SYN3: variants seen among roughly 807,000 people sequenced by gnomAD.
SYN3 encodes the protein synapsin III, also known as synapsin-3.
SYN3 carries 35 observed loss-of-function variants against 65.8 expected under a neutral mutation model. The ratio of observed to expected loss-of-function variants is 0.53; its 90% CI spans 0.41 to 0.70. SYN3 has a LOEUF of 0.70. SYN3 is among the 30% of genes least tolerant of loss of function. The pLI, the probability that SYN3 is intolerant of heterozygous loss-of-function variation, is 0.00. For missense variants in SYN3, 680 were observed against 749.0 expected (o/e 0.91, Z 1.08); for synonymous variants, 270 against 292.9 (o/e 0.92, Z 0.80).
chr22:32,546,726 A>C lies in SYN3; in HGVS notation c.775-5013T>G, dbSNP rs1295385607. 2.0e-5 allele frequency among the ~76,000 whole-genome samples: 3 copies of C among 152,008 alleles called. No homozygotes were observed. In the East Asian group the frequency reaches 5.8e-4, roughly 29 times the overall value. ...TCCAAGGGTTCACAAAGACAAGCTG[A>C]AAACAGGAAGCCCTCAATGAGCTGT... On this transcript the variant is annotated intron_variant, in intron 7 of 13. Transcript: ENST00000358763.
rs191755300 is a variant in SYN3, at chr22:32,722,738, C to T, written c.712-126002G>A. On this transcript the variant is annotated intron_variant, in intron 6 of 13. Coordinates refer to ENST00000358763, the MANE Select transcript of SYN3 (RefSeq NM_003490.4). Reference sequence around the variant, plus strand: ...CTCAAGGCTGCTAAGAAGTCACTGCCAGTCCCCCAAACCCTATCTCTAGGC... The same window carrying T: ...CTCAAGGCTGCTAAGAAGTCACTGCTAGTCCCCCAAACCCTATCTCTAGGC... 5.9e-5 allele frequency among the ~76,000 whole-genome samples: 9 copies of T among 152,294 alleles called. No homozygotes were observed. The East Asian group carries it at 1.2e-3, about 20-fold the overall frequency.
intron 6 of SYN3, among the ~76,000 whole-genome samples, chr22:32,790,081 G>A (rs1164473524): frequency 6.6e-6 from 1 of 152,200 alleles, no homozygotes; most frequent in Non-Finnish European, 1.5e-5. Flanking sequence ...GTTACTTGTC[G>A]AAGGTCACAC....
At chr22:33,038,434 G>A (rs971249287) in intron 1 of SYN3, among the ~76,000 whole-genome samples, 23 of 152,158 alleles carry the variant, frequency 1.5e-4, no homozygotes, top group Admixed American at 1.3e-4. Context: ...AAGAAAAGCC[G>A]ACTTGCCTTC....
intron 7 of SYN3, among the ~76,000 whole-genome samples, chr22:32,582,898 C>T (rs1317718410): frequency 6.6e-6 from 1 of 152,212 alleles, no homozygotes; most frequent in African/African-American, 2.4e-5. Flanking sequence ...TAGCAGCCTC[C>T]TCCATCGACC....
intron 6 of SYN3, among the ~76,000 whole-genome samples, chr22:32,627,281 A>G (rs2059681784): frequency 6.6e-6 from 1 of 152,164 alleles, no homozygotes; most frequent in African/African-American, 2.4e-5. Flanking sequence ...CTTTGTTTTC[A>G]AGGAGGGGCC....
intron 6 of SYN3, among the ~76,000 whole-genome samples, chr22:32,853,973 T>C (rs1362725055): frequency 6.6e-6 from 1 of 152,212 alleles, no homozygotes; most frequent in Non-Finnish European, 1.5e-5. Flanking sequence ...CTGATCTCCA[T>C]GGCATTGGTT....
At chr22:32,764,136 T>C (rs911476910) in intron 6 of SYN3, among the ~76,000 whole-genome samples, 2 of 151,918 alleles carry the variant, frequency 1.3e-5, no homozygotes, top group African/African-American at 4.8e-5. Flanking sequence ...AGAGACGGGG[T>C]TTCTCCAGGT....
intron 6 of SYN3, among the ~76,000 whole-genome samples, chr22:32,749,163 G>C (rs2045031870): frequency 6.6e-6 from 1 of 152,090 alleles, no homozygotes; most frequent in African/African-American, 2.4e-5. Context: ...CCACTTTTCG[G>C]TTCATAGACG....
chr22:32,730,926 A>G (rs1269587173), intron 6 of SYN3, among the ~76,000 whole-genome samples: 1 of 152,092 alleles, frequency 6.6e-6, no homozygotes, highest in African/African-American at 2.4e-5. Flanking sequence ...GTCACCCTGT[A>G]TGTGTCACCA....
intron 6 of SYN3, among the ~76,000 whole-genome samples, chr22:32,732,296 A>G (rs779014240): frequency 3.7e-4 from 57 of 152,280 alleles, no homozygotes; most frequent in Middle Eastern, 3.4e-3. Context: ...TGCTGAACCA[A>G]TGGATTTAAT....
At chr22:32,847,049 T>C (rs2048084812) in intron 6 of SYN3, among the ~76,000 whole-genome samples, 1 of 152,198 alleles carries the variant, frequency 6.6e-6, no homozygotes, top group Non-Finnish European at 1.5e-5. Context: ...GATGTTGCTA[T>C]TTAAAGGAAT....
chr22:32,988,307 A>AAATAATAAAAT (rs1556084687), intron 2 of SYN3, among the ~76,000 whole-genome samples: 1 of 142,582 alleles, frequency 7.0e-6, no homozygotes, highest in African/African-American at 2.6e-5. Context: ...CTCTGTCTCA[A>AAATAATAAAAT]AATAATAATA....
At chr22:33,047,427 C>G (rs111811480) in intron 1 of SYN3, among the ~76,000 whole-genome samples, 3 of 152,292 alleles carry the variant, frequency 2.0e-5, no homozygotes, top group Middle Eastern at 3.4e-3. Context: ...TGTATCACCC[C>G]TCAAATCACC....
intron 7 of SYN3, among the ~76,000 whole-genome samples, chr22:32,593,594 A>C (rs1239836200): frequency 6.6e-6 from 1 of 152,188 alleles, no homozygotes; most frequent in Admixed American, 6.5e-5. Flanking sequence ...TGGAGGTCAC[A>C]GGAGGAAGCA....
chr22:32,834,117 C>T (rs2146147626), intron 6 of SYN3, among the ~76,000 whole-genome samples: 1 of 151,572 alleles, frequency 6.6e-6, no homozygotes, highest in Non-Finnish European at 1.5e-5. Flanking sequence ...CATCTAGGAA[C>T]AGGGGTTGGA....
chr22:32,759,169 A>T (rs1037681127), intron 6 of SYN3, among the ~76,000 whole-genome samples: 4 of 152,178 alleles, frequency 2.6e-5, no homozygotes, highest in Non-Finnish European at 5.9e-5. Flanking sequence ...TTAGACAGGG[A>T]ATCCAGCTTG....
chr22:32,569,571 C>CTCTCTCTCTA (rs1205661126), intron 7 of SYN3, among the ~76,000 whole-genome samples: 3 of 90,928 alleles, frequency 3.3e-5, no homozygotes, highest in African/African-American at 1.1e-4. Flanking sequence ...CTCTCTCTCT[C>CTCTCTCTCTA]TATATATATA....
At chr22:32,567,678 G>A (rs1234505434) in intron 7 of SYN3, among the ~76,000 whole-genome samples, 1 of 152,140 alleles carries the variant, frequency 6.6e-6, no homozygotes, top group Non-Finnish European at 1.5e-5. Context: ...CAATCTTGAA[G>A]TCATGGAAGT....
At chr22:32,594,699 G>T (rs1247799418) in intron 7 of SYN3, among the ~76,000 whole-genome samples, 3 of 152,062 alleles carry the variant, frequency 2.0e-5, no homozygotes, top group African/African-American at 4.8e-5. Context: ...GGTTGGTCAG[G>T]CTGGTCTCTA....
Sources: gnomAD v4.1 joint callset for allele counts (sites outside exome capture counted in the v4.1 genomes callset) on GRCh38, gnomAD v4.1.1 for gene constraint, MANE v1.5 for transcripts, NCBI Gene and HGNC (gene_info 2026-07-23, HGNC 2026-07-21) for gene names.